The following PTGER4 variants were observed in gnomAD, a reference collection of about 807,000 sequenced individuals.
The protein encoded by PTGER4 is prostaglandin E receptor 4.
Under a neutral mutation model 33.2 loss-of-function variants are expected in PTGER4, and 11 were observed. The ratio of observed to expected loss-of-function variants is 0.33; its 90% confidence interval spans 0.21 to 0.55. PTGER4 has a LOEUF of 0.55. Ranked by LOEUF, PTGER4 falls within the 20% of genes least tolerant of loss-of-function variation. PTGER4 has a pLI of 0.92. For missense variants in PTGER4, 481 were observed against 650.2 expected (o/e 0.74, Z 2.83); for synonymous variants, 275 against 281.5 (o/e 0.98, Z 0.23).
the PTGER4 span, among the ~76,000 whole-genome samples, chr5:40,710,748 T>TA: frequency 6.6e-6 from 1 of 152,038 alleles, no homozygotes; most frequent in African/African-American, 2.4e-5. Context: ...TATGCAGCCA[T>TA]AAAAAAGGAT....
chr5:40,721,387 G>A, the PTGER4 span, among the ~76,000 whole-genome samples: 4 of 152,210 alleles, frequency 2.6e-5, no homozygotes, highest in Non-Finnish European at 2.9e-5. Context: ...AAAACAATAC[G>A]ATTCTGGCAT....
At chr5:40,697,226 AAAAGAAAGAAAGAAAGAAAGAAAGAAAG>A (rs70988803), downstream of PTGER4, among the ~76,000 whole-genome samples, 1,684 of 112,604 alleles carry the variant, frequency 0.015, 24 homozygotes, top group South Asian at 0.072. Context: ...AAGAAAGAAG[AAAAGAAAGAAAGAAAGAAAGAAAGAAAG>A]AAAGAAAGAA....
downstream of PTGER4, among the ~76,000 whole-genome samples, chr5:40,695,620 G>A (rs1315839355): frequency 1.3e-5 from 2 of 152,148 alleles, no homozygotes; most frequent in Non-Finnish European, 2.9e-5. Flanking sequence ...GCTGAGGCAG[G>A]AGAATCACTT....
chr5:40,737,631 T>C, the PTGER4 span, among the ~76,000 whole-genome samples: 1 of 152,208 alleles, frequency 6.6e-6, no homozygotes, highest in African/African-American at 2.4e-5. Flanking sequence ...TGAAGCATAC[T>C]TTCTGATGAG....
At chr5:40,739,889 T>A in the PTGER4 span, among the ~76,000 whole-genome samples, 1 of 152,296 alleles carries the variant, frequency 6.6e-6, no homozygotes, top group Non-Finnish European at 1.5e-5. Context: ...TTTTGCTGAA[T>A]TTTTTTCCTA....
At chr5:40,682,420 C>T (rs1240348568) in intron 2 of PTGER4, among the ~76,000 whole-genome samples, 1 of 152,130 alleles carries the variant, frequency 6.6e-6, no homozygotes, top group African/African-American at 2.4e-5. Flanking sequence ...AGTCTAACTC[C>T]CTCACTTCAC....
the PTGER4 span, among the ~76,000 whole-genome samples, chr5:40,712,989 G>GT: frequency 6.6e-6 from 1 of 151,878 alleles, no homozygotes; most frequent in Non-Finnish European, 1.5e-5. Flanking sequence ...TTTTATTTCT[G>GT]TTTTATAATT....
the PTGER4 span, among the ~76,000 whole-genome samples, chr5:40,742,363 C>T: frequency 0.34 from 52,081 of 151,954 alleles, 10,033 homozygotes; most frequent in Admixed American, 0.45. Context: ...GTATTTACTA[C>T]ATGACAGGCA....
At chr5:40,727,386 A>T in the PTGER4 span, among the ~76,000 whole-genome samples, 3 of 152,244 alleles carry the variant, frequency 2.0e-5, no homozygotes, top group African/African-American at 7.2e-5. Flanking sequence ...TCAGGTGTAT[A>T]TAGCCCTGCC....
the PTGER4 span, chr5:40,728,369 T>G: frequency 6.2e-7 from 1 of 1,611,918 alleles, no homozygotes; most frequent in African/African-American, 1.3e-5. Context: ...CTAAACCAAG[T>G]TGAGCACGTC....
At chr5:40,743,545 G>C in the PTGER4 span, among the ~76,000 whole-genome samples, 1 of 152,078 alleles carries the variant, frequency 6.6e-6, no homozygotes, top group African/African-American at 2.4e-5. Flanking sequence ...GGCTGAGGCA[G>C]GCAGATCACT....
intron 2 of PTGER4, among the ~76,000 whole-genome samples, chr5:40,686,030 A>G (rs1446415675): frequency 6.6e-6 from 1 of 152,216 alleles, no homozygotes; most frequent in Non-Finnish European, 1.5e-5. Context: ...TGGCCAGAAG[A>G]AGAACCAAGC....
At chr5:40,690,795 G>GA (rs1448275290) in intron 2 of PTGER4, among the ~76,000 whole-genome samples, 17 of 151,998 alleles carry the variant, frequency 1.1e-4, no homozygotes, top group African/African-American at 3.9e-4. Flanking sequence ...GCTTTTGGGG[G>GA]AAAAAAGTTA....
At chr5:40,733,620 C>T in the PTGER4 span, among the ~76,000 whole-genome samples, 45 of 152,300 alleles carry the variant, frequency 3.0e-4, no homozygotes, top group African/African-American at 9.6e-4. Context: ...GTGGTCATCA[C>T]TGTGACTTGG....
At chr5:40,723,873 A>C in the PTGER4 span, among the ~76,000 whole-genome samples, 8 of 150,410 alleles carry the variant, frequency 5.3e-5, no homozygotes, top group Non-Finnish European at 8.8e-5. Context: ...TCAAAAAAAA[A>C]CAAACAAACA....
chr5:40,741,473 T>G, the PTGER4 span, among the ~76,000 whole-genome samples: 1 of 152,210 alleles, frequency 6.6e-6, no homozygotes, highest in African/African-American at 2.4e-5. Context: ...TCCCCAATAG[T>G]TGCATGGCCT....
At chr5:40,738,435 TATAAA>T in the PTGER4 span, among the ~76,000 whole-genome samples, 9,647 of 79,498 alleles carry the variant, frequency 0.12, 492 homozygotes, top group Admixed American at 0.13. Context: ...TAAAATAAAA[TATAAA>T]ATAAAATACA....
downstream of PTGER4, among the ~76,000 whole-genome samples, chr5:40,695,306 A>G (rs1332881798): frequency 6.6e-6 from 1 of 152,130 alleles, no homozygotes; most frequent in African/African-American, 2.4e-5. Flanking sequence ...GCACTTTGGG[A>G]GGCTGAGGAG....
At chr5:40,735,531 T>G in the PTGER4 span, among the ~76,000 whole-genome samples, 10 of 152,184 alleles carry the variant, frequency 6.6e-5, no homozygotes, top group Non-Finnish European at 1.5e-4. Context: ...AAATCTTTAT[T>G]GAGTGGATAG....
Sources: gnomAD v4.1 joint callset for allele counts (sites outside exome capture counted in the v4.1 genomes callset) on GRCh38, gnomAD v4.1.1 for gene constraint, MANE v1.5 for transcripts, NCBI Gene and HGNC (gene_info 2026-07-23, HGNC 2026-07-21) for gene names.